Variants in EIF4H observed in about 807,000 individuals in gnomAD.
EIF4H encodes eukaryotic translation initiation factor 4H, also known as Williams-Beuren syndrome chromosome region 1.
A neutral mutation model predicts 30.6 loss-of-function variants in EIF4H; 8 were observed. That is an observed-to-expected ratio of 0.26 (90% CI 0.15 to 0.47). EIF4H has a LOEUF of 0.47. Ranked by LOEUF, EIF4H falls within the 20% of genes least tolerant of loss-of-function variation. EIF4H has a pLI of 0.99. For synonymous variants in EIF4H, 106 were observed against 122.7 expected (o/e 0.86, Z 0.90); for missense variants, 188 against 339.5 (o/e 0.55, Z 3.51).
chr7:74,185,389 A>G (rs1554709050), intron 1 of EIF4H, among the ~76,000 whole-genome samples: 1 of 152,230 alleles, frequency 6.6e-6, no homozygotes, highest in Non-Finnish European at 1.5e-5. Flanking sequence ...GCGATAGAGT[A>G]CTATTGGCAA....
intron 2 of EIF4H, 58 bp from the exon 3 acceptor site, chr7:74,189,615 T>G: frequency 1.9e-6 from 3 of 1,597,120 alleles, no homozygotes; most frequent in Non-Finnish European, 2.6e-6. Flanking sequence ...AATAGGATCT[T>G]CCCACATCTT....
At chr7:74,194,355 T>G (rs111360179) in intron 5 of EIF4H, among the ~76,000 whole-genome samples, 1 of 152,380 alleles carries the variant, frequency 6.6e-6, no homozygotes, top group African/African-American at 2.4e-5. Flanking sequence ...CAGGTTTATC[T>G]TTTAAAATAG....
intron 1 of EIF4H, among the ~76,000 whole-genome samples, chr7:74,187,343 A>G (rs1801108007): frequency 6.6e-6 from 1 of 152,120 alleles, no homozygotes; most frequent in African/African-American, 2.4e-5. Flanking sequence ...AGACAGGAGA[A>G]TCTCTTGAAC....
chr7:74,179,222 C>A (rs1554708087), intron 1 of EIF4H, among the ~76,000 whole-genome samples: 1 of 152,200 alleles, frequency 6.6e-6, no homozygotes, highest in African/African-American at 2.4e-5. Context: ...TCAAATAATT[C>A]TGGATATTCA....
At chr7:74,185,579 T>A (rs1801063195) in intron 1 of EIF4H, among the ~76,000 whole-genome samples, 2 of 152,026 alleles carry the variant, frequency 1.3e-5, no homozygotes, top group African/African-American at 2.4e-5. Context: ...TTTTTTTTTT[T>A]AACCATCAAA....
chr7:74,179,278 G>A (rs1182161070), intron 1 of EIF4H, among the ~76,000 whole-genome samples: 2 of 152,132 alleles, frequency 1.3e-5, no homozygotes, highest in Non-Finnish European at 2.9e-5. Flanking sequence ...TTTCTATGAA[G>A]GTTAGTTGCA....
intron 1 of EIF4H, among the ~76,000 whole-genome samples, chr7:74,181,809 A>T (rs1281543016): frequency 7.0e-6 from 1 of 142,720 alleles, no homozygotes; most frequent in Non-Finnish European, 1.5e-5. Flanking sequence ...ATCTCAGCTC[A>T]CTGCAGCCTC....
In EIF4H at chr7:74,195,854, G is replaced by A. The variant is rs1281733905; in HGVS notation, c.*546G>A. ...CAGCTGTGATGGATATAGAGAATCA[G>A]AGGCACCTTGTTTTCACAACTAGGA... On this transcript the variant is annotated 3_prime_UTR_variant, in exon 7 of 7. Transcript: ENST00000265753. 1 of 154,574 alleles carries A rather than the reference G, an allele frequency of 6.5e-6. No homozygotes were observed. Among genetic ancestry groups the A allele is most frequent in the Non-Finnish European group, 1.5e-5 (1 of 68,104 alleles). 9.6% of individuals were successfully genotyped at this position (154,574 alleles called of 1,614,324 possible). A position where few individuals can be genotyped will look rare whatever the true frequency, so the allele number is the denominator to read the frequency against.
chr7:74,182,276 T>G (rs1260345345), intron 1 of EIF4H, among the ~76,000 whole-genome samples: 1 of 152,192 alleles, frequency 6.6e-6, no homozygotes, highest in Non-Finnish European at 1.5e-5. Context: ...CTACTATGGT[T>G]TATAATAGGT....
chr7:74,193,590 A>G (rs1371142136), intron 5 of EIF4H, among the ~76,000 whole-genome samples: 1 of 150,956 alleles, frequency 6.6e-6, no homozygotes, highest in East Asian at 1.9e-4. Flanking sequence ...TTGTTTAATT[A>G]TGGTTTAACT....
At chr7:74,185,322 C>T (rs772590858) in intron 1 of EIF4H, among the ~76,000 whole-genome samples, 9 of 152,146 alleles carry the variant, frequency 5.9e-5, no homozygotes, top group African/African-American at 1.7e-4. Context: ...TTTATTATCC[C>T]GTCCTAAATA....
chr7:74,177,705 T>C (rs1339313630), intron 1 of EIF4H, among the ~76,000 whole-genome samples: 1 of 152,232 alleles, frequency 6.6e-6, no homozygotes, highest in Non-Finnish European at 1.5e-5. Flanking sequence ...TTAGGTTTGT[T>C]ATCCTTCTTC....
intron 1 of EIF4H, 114 bp from the exon 2 acceptor site, chr7:74,187,497 C>G: frequency 9.2e-7 from 1 of 1,090,036 alleles, no homozygotes. Context: ...TGTGGTACAT[C>G]GAGCAGAGTG....
At chr7:74,179,060 T>G (rs1554708065) in intron 1 of EIF4H, among the ~76,000 whole-genome samples, 1 of 152,204 alleles carries the variant, frequency 6.6e-6, no homozygotes, top group African/African-American at 2.4e-5. Context: ...TGTACTCACA[T>G]TTTTGGAGCC....
chr7:74,174,979 C>T (rs1344027677), intron 1 of EIF4H, among the ~76,000 whole-genome samples: 1 of 152,180 alleles, frequency 6.6e-6, no homozygotes, highest in Non-Finnish European at 1.5e-5. Flanking sequence ...TTTGGCGGCT[C>T]TGGCCCGGGG....
chr7:74,181,308 A>T (rs1268166183), intron 1 of EIF4H, among the ~76,000 whole-genome samples: 4 of 152,272 alleles, frequency 2.6e-5, no homozygotes, highest in South Asian at 2.1e-4. Flanking sequence ...TTATTTTTTT[A>T]AATTTTAATC....
chr7:74,174,477 G>C (rs781992787), intron 1 of EIF4H, 35 bp downstream of exon 1: 1 of 1,365,408 alleles, frequency 7.3e-7, no homozygotes, highest in East Asian at 3.1e-5. Context: ...GTCGGGGGCT[G>C]CGGGACCGGC....
At chr7:74,190,152 T>A in intron 4 of EIF4H, 95 bp from the exon 5 acceptor site, 6 of 1,254,658 alleles carry the variant, frequency 4.8e-6, no homozygotes, top group Non-Finnish European at 6.8e-6. Flanking sequence ...GAACCTTCCA[T>A]CACTTGAGTT....
At chr7:74,178,208 A>G (rs1295299793) in intron 1 of EIF4H, among the ~76,000 whole-genome samples, 1 of 152,060 alleles carries the variant, frequency 6.6e-6, no homozygotes, top group Non-Finnish European at 1.5e-5. Context: ...CCCAAGGCTC[A>G]TTGTGTGAGC....
Sources: gnomAD v4.1 joint callset for allele counts (sites outside exome capture counted in the v4.1 genomes callset) on GRCh38, gnomAD v4.1.1 for gene constraint, MANE v1.5 for transcripts, NCBI Gene and HGNC (gene_info 2026-07-23, HGNC 2026-07-21) for gene names.